Variants in BRINP2 observed in about 807,000 individuals in gnomAD.
BRINP2 encodes BMP/retinoic acid inducible neural specific 2.
BRINP2 carries 21 observed loss-of-function variants against 69.2 expected under a neutral mutation model. The ratio of observed to expected loss-of-function variants is 0.30; its 90% confidence interval spans 0.22 to 0.44. The LOEUF is 0.44. Among genes scored for constraint, BRINP2 ranks in the 20% least tolerant of loss-of-function variants. The pLI, the probability that BRINP2 is intolerant of heterozygous loss-of-function variation, is 1.00. For synonymous variants in BRINP2, 380 were observed against 394.1 expected, an observed-to-expected ratio of 0.96 and a Z score of 0.42; for missense variants, 877 against 986.0, an observed-to-expected ratio of 0.89 and a Z score of 1.48.
At chr1:177,253,597 A>G (rs1280271516) in intron 2 of BRINP2, among the ~76,000 whole-genome samples, 1 of 152,054 alleles carries the variant, frequency 6.6e-6, no homozygotes, top group East Asian at 1.9e-4. Context: ...GTTCTTATCC[A>G]AAAAAACTTG....
chr1:177,212,066 C>CAGATAGATAGATAGAT (rs61645500), intron 1 of BRINP2, among the ~76,000 whole-genome samples: 2 of 149,036 alleles, frequency 1.3e-5, no homozygotes, highest in African/African-American at 5.0e-5. Flanking sequence ...TCTATAGACA[C>CAGATAGATAGATAGAT]AGATAGATAG....
chr1:177,248,251 C>T (rs1200671733), intron 2 of BRINP2, among the ~76,000 whole-genome samples: 1 of 152,054 alleles, frequency 6.6e-6, no homozygotes, highest in Admixed American at 6.5e-5. Context: ...AGAATATTTG[C>T]ATTATACTGG....
rs1287731055 is a variant in BRINP2, at chr1:177,280,949, C to A, written c.1773C>A (p.Asn591Lys). Residue 591 changes from asparagine (N) to lysine (K), a missense_variant, in exon 8 of 8, where the codon AAC becomes AAA. This residue lies in a region of BRINP2 where 86 missense variants were observed against 142.1 expected (regional missense o/e 0.61). Coordinates refer to ENST00000361539, the MANE Select transcript of BRINP2 (RefSeq NM_021165.4). ...TLEPVMAIYV[N>K]PFGGSHSESW... ...AGCCTGTCATGGCCATCTACGTCAA[C>A]CCCTTTGGGGGCAGCCACTCTGAGA... is the stretch of plus-strand genomic sequence containing the variant. 1.9e-6 allele frequency: 3 copies of A among 1,614,148 alleles called. No individual in the cohort carries two copies. The highest frequency in any genetic ancestry group is 2.5e-6 in the Non-Finnish European group (3 of 1,180,040).
intron 4 of BRINP2, among the ~76,000 whole-genome samples, chr1:177,262,859 A>G (rs994458943): frequency 2.0e-5 from 3 of 152,010 alleles, no homozygotes; most frequent in African/African-American, 7.2e-5. Context: ...TAAACACAGT[A>G]GATTTCTGGG....
rs146574891 is a variant in BRINP2, at chr1:177,271,031, T to C, written c.670-2457T>C. Among the ~76,000 whole-genome samples, 164 of 152,344 alleles carry C rather than the reference T, an allele frequency of 1.1e-3. 1 individual carries two copies. The East Asian group carries it at 0.02, about 18-fold the overall frequency. On this transcript the variant is annotated intron_variant, in intron 4 of 7. Transcript: ENST00000361539. ...ATGTGGAGGGAGGCAGGCTCATGTGTAACAGCCAGAACACTGGGGTTGTTT... is the reference window on the plus strand; with the variant it reads ...ATGTGGAGGGAGGCAGGCTCATGTGCAACAGCCAGAACACTGGGGTTGTTT...
rs372157493 is a variant in BRINP2, at chr1:177,274,413, G to A, written c.775+820G>A. Among the ~76,000 whole-genome samples, 6 of 152,272 alleles carry A rather than the reference G, an allele frequency of 3.9e-5. No individual in the cohort carries two copies. In the South Asian group the frequency reaches 6.2e-4, roughly 16 times the overall value. ...TCAATAACCCTCACTCAGGATCTAC[G>A]ATTACAAATTCCAGGCAACCTGAGT... is the stretch of plus-strand genomic sequence containing the variant. On this transcript the variant is annotated intron_variant, in intron 5 of 7. Transcript: ENST00000361539.
chr1:177,277,278 T>A (rs902762716), intron 6 of BRINP2, among the ~76,000 whole-genome samples: 3 of 151,922 alleles, frequency 2.0e-5, no homozygotes. Context: ...TTTTTATGGA[T>A]AACTACATTT....
chr1:177,193,604 C>A (rs1435484779), intron 1 of BRINP2, among the ~76,000 whole-genome samples: 1 of 152,172 alleles, frequency 6.6e-6, no homozygotes, highest in Non-Finnish European at 1.5e-5. Context: ...TTGTACCTGT[C>A]TCTCTTAGCA....
chr1:177,268,658 C>T (rs1410769672), intron 4 of BRINP2, among the ~76,000 whole-genome samples: 1 of 152,144 alleles, frequency 6.6e-6, no homozygotes, highest in Non-Finnish European at 1.5e-5. Flanking sequence ...TGTCACTTTA[C>T]ATTGAGGATG....
chr1:177,217,348 T>G (rs1162205945), intron 1 of BRINP2, among the ~76,000 whole-genome samples: 1 of 152,118 alleles, frequency 6.6e-6, no homozygotes, highest in Non-Finnish European at 1.5e-5. Flanking sequence ...AAATCTCCAT[T>G]TAAAAAAAAA....
intron 2 of BRINP2, among the ~76,000 whole-genome samples, chr1:177,253,110 T>G (rs1650634891): frequency 6.6e-6 from 1 of 152,160 alleles, no homozygotes; most frequent in African/African-American, 2.4e-5. Flanking sequence ...TTTAGTTTTC[T>G]GAGGAATTTT....
Position 177,230,035 on chromosome 1 carries a change from T to C in BRINP2, c.159T>C (p.His53=). Residue 53 remains histidine, a synonymous_variant, in exon 2 of 8, where the codon CAT becomes CAC. Coordinates refer to ENST00000361539, the MANE Select transcript of BRINP2 (RefSeq NM_021165.4). ...PEQHASVAGQ[H]PLDWLLTDRG... is the part of the protein sequence containing the mutation. ...AGCATGCCTCCGTAGCTGGCCAGCA[T>C]CCCCTGGACTGGCTGCTCACAGACC... is the stretch of plus-strand genomic sequence containing the variant. 2 of 1,613,798 alleles carry C rather than the reference T, an allele frequency of 1.2e-6. No individual in the cohort carries two copies.
At chr1:177,226,352 A>T (rs1234882876) in intron 1 of BRINP2, among the ~76,000 whole-genome samples, 26 of 152,192 alleles carry the variant, frequency 1.7e-4, no homozygotes, top group Non-Finnish European at 3.8e-4. Flanking sequence ...TAAACTAGGC[A>T]GGCAGGGTGT....
rs570925616 is a variant in BRINP2 at position 177,263,966 on chromosome 1, ATC to A, written c.669+6584_669+6585del. 1.1e-4 allele frequency among the ~76,000 whole-genome samples: 16 copies of A among 152,312 alleles called. No individual in the cohort carries two copies. In the South Asian group the frequency reaches 3.1e-3, roughly 30 times the overall value. On this transcript the variant is annotated intron_variant, in intron 4 of 7. Coordinates refer to ENST00000361539, the MANE Select transcript of BRINP2 (RefSeq NM_021165.4). ...ATAAAACTTAAAACTATGCTGAGTG[ATC>A]TTATGTTATAATTATGGCCATGAGT... is the stretch of plus-strand genomic sequence containing the variant.
At chr1:177,172,320 C>G (rs998557652) in intron 1 of BRINP2, among the ~76,000 whole-genome samples, 4 of 152,188 alleles carry the variant, frequency 2.6e-5, no homozygotes, top group African/African-American at 9.7e-5. Flanking sequence ...TTGAGCCTGG[C>G]AGAGCACTGG....
Position 177,281,825 on chromosome 1 carries a change from G to A in BRINP2, c.*297G>A. The A allele has an allele frequency of 3.7e-6, 1 of 270,808 alleles. No homozygotes were observed. Among genetic ancestry groups the A allele is most frequent in the Non-Finnish European group, 6.9e-6 (1 of 145,380 alleles). The allele number at this position is 270,808 out of a possible 1,614,324, so 16.8% of individuals were successfully genotyped here. ...AAATGAATGCAATTGAAAGAAAGGAGCCAAGGAAGAGATTAAGAAAAAGAA... is the reference window on the plus strand; with the variant it reads ...AAATGAATGCAATTGAAAGAAAGGAACCAAGGAAGAGATTAAGAAAAAGAA... On this transcript the variant is annotated 3_prime_UTR_variant, in exon 8 of 8. Coordinates refer to ENST00000361539, the MANE Select transcript of BRINP2 (RefSeq NM_021165.4).
At chr1:177,171,755 A>AC (rs1256642553) in intron 1 of BRINP2, 23 bp downstream of exon 1, 2 of 152,084 alleles carry the variant, frequency 1.3e-5, no homozygotes, top group Admixed American at 1.3e-4. Flanking sequence ...GGTTTCGGTG[A>AC]TTTTTCTCCC....
chr1:177,271,638 G>C (rs1196647180), intron 4 of BRINP2, among the ~76,000 whole-genome samples: 1 of 152,152 alleles, frequency 6.6e-6, no homozygotes, highest in East Asian at 1.9e-4. Context: ...GATGCTCTTG[G>C]AGGAAGAATT....
At chr1:177,222,696 TAAA>T (rs999499043) in intron 1 of BRINP2, among the ~76,000 whole-genome samples, 1 of 138,674 alleles carries the variant, frequency 7.2e-6, no homozygotes. Flanking sequence ...ATTGTTATCT[TAAA>T]AAAAAAAAAA....
Sources: gnomAD v4.1 joint callset for allele counts (sites outside exome capture counted in the v4.1 genomes callset) on GRCh38, gnomAD v4.1.1 for gene constraint, gnomAD v4.1.1 regional missense constraint, MANE v1.5 for transcripts, NCBI Gene and HGNC (gene_info 2026-07-23, HGNC 2026-07-21) for gene names.